The following CDH13 variants were observed in gnomAD, a reference collection of about 807,000 sequenced individuals.
CDH13 encodes the protein cadherin-13.
A neutral mutation model predicts 63.8 loss-of-function variants in CDH13; 24 were observed. The ratio of observed to expected loss-of-function variants is 0.38; its 90% CI spans 0.27 to 0.53. The LOEUF (loss-of-function observed/expected upper bound fraction) is 0.53, where lower values mean the gene tolerates loss of function less well. Among genes scored for constraint, CDH13 ranks in the 20% least tolerant of loss-of-function variants. CDH13 has a pLI of 0.85. For missense variants in CDH13, 1,049 were observed against 903.1 expected (o/e 1.16, Z -2.07); for synonymous variants, 503 against 355.3 (o/e 1.42, Z -4.67).
At chr16:83,588,693 G>A (rs754510096) in intron 7 of CDH13, among the ~76,000 whole-genome samples, 3 of 152,188 alleles carry the variant, frequency 2.0e-5, no homozygotes, top group Non-Finnish European at 4.4e-5. Flanking sequence ...TTTGTAGATG[G>A]CAGGACATTC....
At chr16:82,962,499 G>A (rs1172553302) in intron 2 of CDH13, among the ~76,000 whole-genome samples, 1 of 152,160 alleles carries the variant, frequency 6.6e-6, no homozygotes, top group East Asian at 1.9e-4. Context: ...GCCTTTGTTT[G>A]CAAAATTCAA....
chr16:82,771,807 G>C (rs968020173), intron 1 of CDH13, among the ~76,000 whole-genome samples: 1 of 152,262 alleles, frequency 6.6e-6, no homozygotes, highest in Non-Finnish European at 1.5e-5. Flanking sequence ...GACTGAGCAA[G>C]GGTGTCATCT....
At chr16:83,124,288 G>A (rs112793750) in intron 3 of CDH13, among the ~76,000 whole-genome samples, 56 of 152,118 alleles carry the variant, frequency 3.7e-4, no homozygotes, top group South Asian at 1.0e-3. Flanking sequence ...TCAGGAGATC[G>A]GCCTGCCCTG....
At chr16:82,671,360 G>A in intron 1 of CDH13, among the ~76,000 whole-genome samples, 1 of 152,162 alleles carries the variant, frequency 6.6e-6, no homozygotes, top group Admixed American at 6.5e-5. Context: ...AGGTGGCAGT[G>A]CAGTACCTTG....
intron 8 of CDH13, among the ~76,000 whole-genome samples, chr16:83,603,152 G>C (rs909727871): frequency 3.3e-5 from 5 of 152,196 alleles, no homozygotes; most frequent in African/African-American, 9.7e-5. Flanking sequence ...AGCGATGTTT[G>C]GGGAAGGGCT....
At chr16:83,297,245 C>G (rs1224429389) in intron 5 of CDH13, among the ~76,000 whole-genome samples, 1 of 152,058 alleles carries the variant, frequency 6.6e-6, no homozygotes, top group East Asian at 1.9e-4. Context: ...GCTCTCAACA[C>G]AAAGAAATGG....
At chr16:82,653,165 A>C (rs1437455678) in intron 1 of CDH13, among the ~76,000 whole-genome samples, 1 of 152,174 alleles carries the variant, frequency 6.6e-6, no homozygotes, top group Non-Finnish European at 1.5e-5. Context: ...CGGTTTTTCC[A>C]AGTGTCTGTG....
intron 10 of CDH13, 116 bp from the exon 11 acceptor site, chr16:83,747,992 G>T (rs1055632391): frequency 1.9e-6 from 2 of 1,068,896 alleles, no homozygotes; most frequent in Non-Finnish European, 2.8e-6. Flanking sequence ...TGATGGTTTT[G>T]GATTTTTGTT....
At chr16:83,589,735 A>G (rs1172681463) in intron 7 of CDH13, among the ~76,000 whole-genome samples, 2 of 152,082 alleles carry the variant, frequency 1.3e-5, no homozygotes, top group East Asian at 3.9e-4. Flanking sequence ...GTGAAGGGAA[A>G]ATTGCTATAC....
At chr16:83,477,135 G>A (rs1010142772) in intron 6 of CDH13, among the ~76,000 whole-genome samples, 1 of 152,236 alleles carries the variant, frequency 6.6e-6, no homozygotes, top group African/African-American at 2.4e-5. Context: ...GACACTGGAG[G>A]CTGAACTGCA....
chr16:83,708,147 A>C (rs441354), intron 10 of CDH13, among the ~76,000 whole-genome samples: 42,657 of 152,134 alleles, frequency 0.28, 6,419 homozygotes, highest in Middle Eastern at 0.46. Context: ...CCCATAGAGG[A>C]TCCACCCAAA....
At chr16:82,867,887 G>A (rs1480822450) in intron 2 of CDH13, among the ~76,000 whole-genome samples, 1 of 152,162 alleles carries the variant, frequency 6.6e-6, no homozygotes, top group Non-Finnish European at 1.5e-5. Flanking sequence ...AGCTGACTTA[G>A]GCTTTTATCT....
chr16:82,820,736 A>G (rs2037965294), intron 1 of CDH13, among the ~76,000 whole-genome samples: 1 of 152,220 alleles, frequency 6.6e-6, no homozygotes, highest in African/African-American at 2.4e-5. Context: ...AACCACCCTA[A>G]GGATTTTGGT....
chr16:83,363,270 G>C (rs915198233), intron 6 of CDH13, among the ~76,000 whole-genome samples: 4 of 152,184 alleles, frequency 2.6e-5, no homozygotes, highest in African/African-American at 7.2e-5. Flanking sequence ...TTGATAGTTG[G>C]CATCTCTGTG....
chr16:82,885,189 T>C (rs1597899697), intron 2 of CDH13, among the ~76,000 whole-genome samples: 3 of 152,362 alleles, frequency 2.0e-5, no homozygotes, highest in Non-Finnish European at 2.9e-5. Context: ...AGCACTACTC[T>C]TATGGCTTTG....
At chr16:83,182,076 T>G (rs2038366069) in intron 4 of CDH13, among the ~76,000 whole-genome samples, 1 of 152,206 alleles carries the variant, frequency 6.6e-6, no homozygotes, top group South Asian at 2.1e-4. Flanking sequence ...TGGTACTCAG[T>G]AATTGCTCAA....
intron 5 of CDH13, among the ~76,000 whole-genome samples, chr16:83,337,396 G>GC (rs1467977922): frequency 6.6e-6 from 1 of 152,092 alleles, no homozygotes; most frequent in Admixed American, 6.5e-5. Context: ...CAGGAGTTGA[G>GC]CCCCTTTTTT....
intron 4 of CDH13, among the ~76,000 whole-genome samples, chr16:83,127,154 C>T (rs999518554): frequency 3.3e-5 from 5 of 152,064 alleles, no homozygotes; most frequent in South Asian, 2.1e-4. Flanking sequence ...GTAGTAGAGT[C>T]GCAACATGCC....
chr16:83,423,716 C>T (rs1390517075), intron 6 of CDH13, among the ~76,000 whole-genome samples: 5 of 152,156 alleles, frequency 3.3e-5, no homozygotes, highest in Non-Finnish European at 5.9e-5. Context: ...GTATATTAAA[C>T]CCTAATAAAT....
Sources: gnomAD v4.1 joint callset for allele counts (sites outside exome capture counted in the v4.1 genomes callset) on GRCh38, gnomAD v4.1.1 for gene constraint, MANE v1.5 for transcripts, NCBI Gene and HGNC (gene_info 2026-07-23, HGNC 2026-07-21) for gene names.